Variants in INPP4B observed in about 807,000 individuals in gnomAD.
The protein encoded by INPP4B is inositol polyphosphate-4-phosphatase type II B.
A neutral mutation model predicts 122.5 loss-of-function variants in INPP4B; 55 were observed. That is an observed-to-expected ratio of 0.45 (90% CI 0.36 to 0.56). INPP4B has a LOEUF of 0.56. Among genes scored for constraint, INPP4B ranks in the 20% least tolerant of loss-of-function variants. The pLI, the probability that INPP4B is intolerant of heterozygous loss-of-function variation, is 0.00. For missense variants in INPP4B, 1,000 were observed against 1,097.7 expected (o/e 0.91, Z 1.26); for synonymous variants, 403 against 388.7 (o/e 1.04, Z -0.43).
chr4:142,402,190 G>A (rs928902210), intron 7 of INPP4B, among the ~76,000 whole-genome samples: 1 of 152,182 alleles, frequency 6.6e-6, no homozygotes, highest in African/African-American at 2.4e-5. Flanking sequence ...TGACCTTCAA[G>A]TCTCTCATAG....
intron 2 of INPP4B, among the ~76,000 whole-genome samples, chr4:142,529,494 ATG>A (rs1168172541): frequency 1.3e-4 from 20 of 152,048 alleles, no homozygotes; most frequent in Non-Finnish European, 7.4e-5. Flanking sequence ...GATTCTTCTC[ATG>A]AAGAATGCTT....
intron 2 of INPP4B, among the ~76,000 whole-genome samples, chr4:142,585,384 T>G (rs1405933383): frequency 6.6e-6 from 1 of 152,184 alleles, no homozygotes; most frequent in East Asian, 1.9e-4. Flanking sequence ...GAGAAGTGCC[T>G]ATTGGAAATC....
intron 1 of INPP4B, among the ~76,000 whole-genome samples, chr4:142,812,032 G>A (rs1319329258): frequency 2.6e-5 from 4 of 152,038 alleles, no homozygotes; most frequent in East Asian, 1.9e-4. Context: ...AAGGCACCAC[G>A]AGAATTGCAT....
At chr4:142,771,221 A>T (rs1025171278) in intron 1 of INPP4B, among the ~76,000 whole-genome samples, 14 of 152,148 alleles carry the variant, frequency 9.2e-5, no homozygotes, top group African/African-American at 3.4e-4. Context: ...ATGTCACCAT[A>T]CCACATGAAC....
intron 2 of INPP4B, among the ~76,000 whole-genome samples, chr4:142,697,450 T>C (rs1450432446): frequency 2.0e-5 from 3 of 152,194 alleles, no homozygotes; most frequent in Admixed American, 6.5e-5. Flanking sequence ...AAGTTTATTG[T>C]TTCTGGCAGT....
At chr4:142,453,216 A>G (rs1814691638) in intron 3 of INPP4B, among the ~76,000 whole-genome samples, 1 of 152,172 alleles carries the variant, frequency 6.6e-6, no homozygotes, top group South Asian at 2.1e-4. Context: ...CAGCACTGTC[A>G]GACGTTTCAA....
chr4:142,504,373 G>GA (rs1823746904), intron 2 of INPP4B, among the ~76,000 whole-genome samples: 1 of 151,942 alleles, frequency 6.6e-6, no homozygotes, highest in African/African-American at 2.4e-5. Context: ...AGGGATGTAG[G>GA]AAAAAAGAAA....
At chr4:142,359,229 A>AAAC (rs1561926493) in intron 7 of INPP4B, among the ~76,000 whole-genome samples, 30 of 151,498 alleles carry the variant, frequency 2.0e-4, no homozygotes, top group Non-Finnish European at 3.7e-4. Flanking sequence ...AACAAACAAA[A>AAAC]AAAAAAAACA....
At chr4:142,650,987 C>CA (rs1177827092) in intron 2 of INPP4B, among the ~76,000 whole-genome samples, 1 of 152,124 alleles carries the variant, frequency 6.6e-6, no homozygotes, top group Non-Finnish European at 1.5e-5. Context: ...CACTCCTTGG[C>CA]AAATGCAAAT....
chr4:142,437,304 A>G (rs1603584), intron 3 of INPP4B, among the ~76,000 whole-genome samples: 20,191 of 152,084 alleles, frequency 0.13, 1,897 homozygotes, highest in East Asian at 0.41. Context: ...CTGAACCTGC[A>G]ACTGTTTGGA....
chr4:142,163,578 T>G, intron 16 of INPP4B, among the ~76,000 whole-genome samples: 1 of 152,032 alleles, frequency 6.6e-6, no homozygotes, highest in African/African-American at 2.4e-5. Context: ...ACTTTCATTA[T>G]AGTATATTGT....
intron 14 of INPP4B, among the ~76,000 whole-genome samples, chr4:142,205,009 C>G (rs1047798961): frequency 2.6e-5 from 4 of 152,076 alleles, no homozygotes; most frequent in Admixed American, 2.6e-4. Flanking sequence ...CAGACACACA[C>G]ACACCCCTTT....
chr4:142,371,751 G>A (rs1173345134), intron 7 of INPP4B, among the ~76,000 whole-genome samples: 1 of 151,878 alleles, frequency 6.6e-6, no homozygotes, highest in East Asian at 1.9e-4. Context: ...ACCCCAGTGA[G>A]AATGGATATG....
At chr4:142,062,517 C>T (rs745834712) in intron 25 of INPP4B, among the ~76,000 whole-genome samples, 1 of 152,050 alleles carries the variant, frequency 6.6e-6, no homozygotes, top group African/African-American at 2.4e-5. Context: ...GGGTGGATCA[C>T]CTGAGGTCAA....
intron 2 of INPP4B, among the ~76,000 whole-genome samples, chr4:142,465,350 C>T (rs2149625977): frequency 6.6e-6 from 1 of 152,114 alleles, no homozygotes. Context: ...CTTAAATATA[C>T]ATCCCACAGA....
At chr4:142,368,709 A>G (rs1579865736) in intron 7 of INPP4B, among the ~76,000 whole-genome samples, 1 of 74,736 alleles carries the variant, frequency 1.3e-5, no homozygotes. Context: ...AATTAATAGG[A>G]AAAAAAAAAA....
intron 12 of INPP4B, among the ~76,000 whole-genome samples, chr4:142,234,840 C>A (rs1856002241): frequency 6.6e-6 from 1 of 152,130 alleles, no homozygotes; most frequent in Admixed American, 6.6e-5. Flanking sequence ...AAGTGCCCAC[C>A]AGCCCCTTCC....
intron 7 of INPP4B, among the ~76,000 whole-genome samples, chr4:142,342,242 A>G (rs1006522222): frequency 6.6e-6 from 1 of 152,194 alleles, no homozygotes; most frequent in African/African-American, 2.4e-5. Flanking sequence ...GTACACTACC[A>G]TATTAAACAG....
chr4:142,136,651 C>A (rs1290774248), intron 18 of INPP4B, among the ~76,000 whole-genome samples: 1 of 152,012 alleles, frequency 6.6e-6, no homozygotes, highest in South Asian at 2.1e-4. Flanking sequence ...TGTCAAAGTG[C>A]CTTGAAGTGG....
Sources: allele counts gnomAD v4.1 joint callset (sites outside exome capture counted in the v4.1 genomes callset), GRCh38; gene constraint gnomAD v4.1.1; transcripts MANE v1.5; gene names NCBI Gene and HGNC (gene_info 2026-07-23, HGNC 2026-07-21).